The following NCAM1 variants were observed in gnomAD, a reference collection of about 807,000 sequenced individuals.
The protein encoded by NCAM1 is antigen recognized by monoclonal antibody 5.1H11.
NCAM1 carries 14 observed loss-of-function variants against 109.8 expected under a neutral mutation model. The ratio of observed to expected loss-of-function variants is 0.13; its 90% CI spans 0.08 to 0.20. The LOEUF (loss-of-function observed/expected upper bound fraction) is 0.20, where lower values mean the gene tolerates loss of function less well. Among genes scored for constraint, NCAM1 ranks in the 10% least tolerant of loss-of-function variants. NCAM1 has a pLI of 1.00. For missense variants in NCAM1, 774 were observed against 1,109.9 expected, an observed-to-expected ratio of 0.70 and a Z score of 4.30; for synonymous variants, 418 against 442.9, an observed-to-expected ratio of 0.94 and a Z score of 0.70.
intron 1 of NCAM1, among the ~76,000 whole-genome samples, chr11:112,975,092 G>A (rs1256422959): frequency 6.6e-6 from 1 of 152,054 alleles, no homozygotes; most frequent in African/African-American, 2.4e-5. Flanking sequence ...AACCCGAACA[G>A]AGGAATGTTC....
At chr11:113,234,880 A>G (rs561615569) in intron 13 of NCAM1, among the ~76,000 whole-genome samples, 153 bp from the exon 14 acceptor site, 2 of 152,308 alleles carry the variant, frequency 1.3e-5, no homozygotes, top group African/African-American at 4.8e-5. Context: ...TTTGGTCCCG[A>G]CTTTCAATTC....
At chr11:113,225,203 G>A (rs1467871756) in intron 9 of NCAM1, among the ~76,000 whole-genome samples, 1 of 152,086 alleles carries the variant, frequency 6.6e-6, no homozygotes, top group Admixed American at 6.6e-5. Flanking sequence ...TAGACAAATG[G>A]CTAACTAGAA....
At chr11:113,090,148 C>T (rs1417403215) in intron 1 of NCAM1, among the ~76,000 whole-genome samples, 3 of 152,174 alleles carry the variant, frequency 2.0e-5, no homozygotes, top group Non-Finnish European at 4.4e-5. Flanking sequence ...TAATTTTTAA[C>T]TGTCCTCTCT....
intron 1 of NCAM1, among the ~76,000 whole-genome samples, chr11:112,981,325 C>T (rs190923898): frequency 9.7e-4 from 147 of 151,938 alleles, no homozygotes; most frequent in Non-Finnish European, 1.6e-3. Context: ...ACAATAGATA[C>T]GGTTGCATTT....
intron 15 of NCAM1, among the ~76,000 whole-genome samples, chr11:113,248,693 C>A (rs570253430): frequency 1.3e-5 from 2 of 152,340 alleles, no homozygotes; most frequent in African/African-American, 4.8e-5. Context: ...GATGCTCCAT[C>A]TACCCTGAGT....
intron 14 of NCAM1, chr11:113,235,431 C>T (rs1945136758): frequency 8.3e-6 from 6 of 723,048 alleles, no homozygotes; most frequent in South Asian, 6.8e-5. Context: ...GGGGAAGGCA[C>T]CAACACATTA....
chr11:113,234,472 C>T (rs184969827), intron 13 of NCAM1, among the ~76,000 whole-genome samples: 134 of 152,296 alleles, frequency 8.8e-4, no homozygotes, highest in Non-Finnish European at 1.2e-3. Flanking sequence ...CAGCCCCTGG[C>T]AACCACCATG....
chr11:113,233,445 T>C lies in NCAM1; in HGVS notation c.1693+128T>C. On this transcript the variant is annotated intron_variant, in intron 13 of 19. Coordinates refer to ENST00000316851, the MANE Select transcript of NCAM1 (RefSeq NM_181351.5). The surrounding 1 kb of genome is among the most constrained non-coding windows in gnomAD (Gnocchi z 4.5). The stretch of plus-strand genomic sequence containing the variant: ...CACCTCCAGAATTAGGTCAAAGTCA[T>C]ATCTGCCTGTAGAGTTGTTGCCCCT... The C allele has an allele frequency of 9.7e-7, 1 of 1,032,994 alleles. No homozygotes were observed. Among genetic ancestry groups the C allele is most frequent in the Non-Finnish European group, 1.4e-6 (1 of 708,930 alleles). The allele number at this position is 1,032,994 out of a possible 1,614,324, so 64.0% of individuals were successfully genotyped here. A position where few individuals can be genotyped will look rare whatever the true frequency, so the allele number is the denominator to read the frequency against.
intron 1 of NCAM1, among the ~76,000 whole-genome samples, chr11:112,965,314 G>A (rs1310745439): frequency 6.6e-6 from 1 of 152,130 alleles, no homozygotes; most frequent in African/African-American, 2.4e-5. Context: ...GGATGTGGGT[G>A]TTTACTGAAG....
intron 1 of NCAM1, among the ~76,000 whole-genome samples, chr11:113,149,862 G>A (rs1220723184): frequency 6.6e-6 from 1 of 152,190 alleles, no homozygotes; most frequent in Non-Finnish European, 1.5e-5. Flanking sequence ...TTGGAATACG[G>A]AGTTGTGGAC....
At chr11:113,108,193 A>G (rs547373213) in intron 1 of NCAM1, among the ~76,000 whole-genome samples, 21 of 152,336 alleles carry the variant, frequency 1.4e-4, no homozygotes, top group Admixed American at 1.3e-4. Flanking sequence ...TTTTAATAAT[A>G]CAAGCCTTAA....
intron 1 of NCAM1, among the ~76,000 whole-genome samples, chr11:113,184,415 T>G (rs1193648423): frequency 6.6e-6 from 1 of 152,234 alleles, no homozygotes; most frequent in African/African-American, 2.4e-5. Context: ...GCTCAAAGTC[T>G]GCCATTTAGT....
At chr11:113,087,245 C>T (rs1939132409) in intron 1 of NCAM1, among the ~76,000 whole-genome samples, 1 of 152,144 alleles carries the variant, frequency 6.6e-6, no homozygotes, top group Non-Finnish European at 1.5e-5. Context: ...TCTTTGTATT[C>T]CTTTGCAATG....
intron 1 of NCAM1, among the ~76,000 whole-genome samples, chr11:113,000,635 T>C (rs887744742): frequency 3.9e-5 from 6 of 151,904 alleles, no homozygotes; most frequent in Admixed American, 2.6e-4. Context: ...ACAGATGGCA[T>C]CTTCTGGGGG....
intron 1 of NCAM1, among the ~76,000 whole-genome samples, chr11:112,989,678 C>A (rs1257999641): frequency 6.6e-6 from 1 of 152,054 alleles, no homozygotes; most frequent in East Asian, 1.9e-4. Context: ...TCATAATTGC[C>A]TGATTCTTTT....
intron 1 of NCAM1, among the ~76,000 whole-genome samples, chr11:113,107,617 A>C (rs573572486): frequency 4.6e-5 from 7 of 152,186 alleles, no homozygotes; most frequent in Non-Finnish European, 1.0e-4. Context: ...GAGAACCAAG[A>C]GAAAGGGGTT....
chr11:113,025,545 A>G (rs1555077042), intron 1 of NCAM1, among the ~76,000 whole-genome samples: 1 of 152,136 alleles, frequency 6.6e-6, no homozygotes, highest in Admixed American at 6.5e-5. Flanking sequence ...TCAAATAGTA[A>G]GAATTCCTAT....
At chr11:113,258,933 G>C (rs1945902247) in intron 16 of NCAM1, among the ~76,000 whole-genome samples, 1 of 152,144 alleles carries the variant, frequency 6.6e-6, no homozygotes, top group Non-Finnish European at 1.5e-5. Context: ...CCCATCACTG[G>C]GTTTAGTAAG....
intron 1 of NCAM1, among the ~76,000 whole-genome samples, chr11:113,016,411 A>AT (rs1591249781): frequency 6.6e-6 from 1 of 152,094 alleles, no homozygotes; most frequent in East Asian, 1.9e-4. Flanking sequence ...ACTGGGTCTC[A>AT]TTTTTTCTGG....
Sources: allele counts gnomAD v4.1 joint callset (sites outside exome capture counted in the v4.1 genomes callset), GRCh38; gene constraint gnomAD v4.1.1; non-coding constraint Gnocchi (gnomAD v3.1); transcripts MANE v1.5; gene names NCBI Gene and HGNC (gene_info 2026-07-23, HGNC 2026-07-21).